The following FYCO1 variants were observed in gnomAD, a reference collection of about 807,000 sequenced individuals.
FYCO1 encodes the protein FYVE and coiled-coil domain autophagy adaptor 1.
In FYCO1, 122 loss-of-function variants were observed where a neutral mutation model predicts 165.1. That is an observed-to-expected ratio of 0.74 (90% CI 0.64 to 0.86). The LOEUF is 0.86. Ranked by LOEUF, FYCO1 falls within the 40% of genes least tolerant of loss-of-function variation. FYCO1 has a pLI of 0.00. For synonymous variants in FYCO1, 648 were observed against 742.5 expected (o/e 0.87, Z 2.07); for missense variants, 1,702 against 1,810.3 (o/e 0.94, Z 1.09).
intron 13 of FYCO1, among the ~76,000 whole-genome samples, chr3:45,957,170 A>G (rs987108298): frequency 5.9e-5 from 9 of 152,244 alleles, no homozygotes; most frequent in Admixed American, 5.9e-4. Context: ...CAGTCTTTCA[A>G]TCAATGGTGT....
Position 45,975,312 on chromosome 3 carries a change from T to TAA in FYCO1, c.320_321dup (p.Ile108LeufsTer20). 1 of 1,614,168 alleles carries TAA rather than the reference T, an allele frequency of 6.2e-7. No homozygotes were observed. The highest frequency in any genetic ancestry group is 8.5e-7 in the Non-Finnish European group (1 of 1,179,998). ...CTCTGGTGCACCAAGGAGTAGCGAATAAATGCTCTTCCTTTCCCCAAGGAT... is the reference window on the plus strand; with the variant it reads ...CTCTGGTGCACCAAGGAGTAGCGAATAAAAATGCTCTTCCTTTCCCCAAGGAT... On this transcript the variant is annotated frameshift_variant, in exon 5 of 18. Transcript: ENST00000296137. LOFTEE classifies it high-confidence loss of function.
chr3:45,989,566 C>A (rs1440736397), intron 1 of FYCO1, among the ~76,000 whole-genome samples: 1 of 152,228 alleles, frequency 6.6e-6, no homozygotes, highest in African/African-American at 2.4e-5. Flanking sequence ...GGTGACCCAA[C>A]CCCTTGGACC....
chr3:45,984,611 C>T (rs1707223986), intron 2 of FYCO1: 1 of 614,256 alleles, frequency 1.6e-6, no homozygotes, highest in Non-Finnish European at 2.9e-6. Flanking sequence ...AGTCCTGGAG[C>T]CGGGTGTATG....
In FYCO1 at chr3:45,972,956, C is replaced by T. The variant is rs1187080153; in HGVS notation, c.539+132G>A. 6 of 907,714 alleles carry T rather than the reference C, an allele frequency of 6.6e-6. No homozygotes were observed. The East Asian group carries it at 1.6e-4, about 24-fold the overall frequency. 56.2% of individuals were successfully genotyped at this position (907,714 alleles called of 1,614,324 possible). A position where few individuals can be genotyped will look rare whatever the true frequency, so the allele number is the denominator to read the frequency against. On this transcript the variant is annotated intron_variant, in intron 6 of 17. Transcript: ENST00000296137. ...GATTCAACAAAGTCTGTAAAAGGAGCTGGAATAAGAGTTGAACAGGTTTGT... is the reference window on the plus strand; with the variant it reads ...GATTCAACAAAGTCTGTAAAAGGAGTTGGAATAAGAGTTGAACAGGTTTGT...
chr3:45,970,217 T>C (rs1024411516), intron 6 of FYCO1, among the ~76,000 whole-genome samples: 2 of 152,202 alleles, frequency 1.3e-5, no homozygotes, highest in African/African-American at 4.8e-5. Flanking sequence ...TCAGTGCAGA[T>C]ACAGAACATT....
intron 3 of FYCO1, among the ~76,000 whole-genome samples, chr3:45,980,416 C>T (rs970808703): frequency 2.0e-5 from 3 of 152,000 alleles, no homozygotes; most frequent in Non-Finnish European, 4.4e-5. Context: ...AACTATGCTT[C>T]GACTTAGGGA....
intron 13 of FYCO1, among the ~76,000 whole-genome samples, chr3:45,958,113 G>A (rs1387445846): frequency 6.6e-6 from 1 of 152,156 alleles, no homozygotes; most frequent in African/African-American, 2.4e-5. Context: ...TCTGGTAGAC[G>A]GCATTCTCCA....
At chr3:45,958,363 G>T (rs1443910793) in intron 13 of FYCO1, 45 bp downstream of exon 13, 16 of 1,550,750 alleles carry the variant, frequency 1.0e-5, no homozygotes, top group Non-Finnish European at 1.3e-5. Context: ...AGGGGAGGAA[G>T]TGGCACCTAG....
chr3:45,969,877 A>G, intron 6 of FYCO1, 112 bp from the exon 7 acceptor site: 1 of 734,184 alleles, frequency 1.4e-6, no homozygotes, highest in Non-Finnish European at 2.3e-6. Context: ...CTTCCCAGGT[A>G]GAATGTAAGA....
chr3:45,952,390 T>A (rs1468078942), intron 14 of FYCO1, among the ~76,000 whole-genome samples: 1 of 152,182 alleles, frequency 6.6e-6, no homozygotes, highest in East Asian at 1.9e-4. Context: ...GGTTTAGGTC[T>A]TAAAACTTAG....
chr3:45,962,223 A>G lies in FYCO1; in HGVS notation c.3437+2T>C. ...CAGCTGCTGGTTTGACACAGCACTCACCTGAGCAGCTCTATCAGCCGCTCC... is the reference window on the plus strand; with the variant it reads ...CAGCTGCTGGTTTGACACAGCACTCGCCTGAGCAGCTCTATCAGCCGCTCC... On this transcript the variant is annotated splice_donor_variant, in intron 11 of 17. Coordinates refer to ENST00000296137, the MANE Select transcript of FYCO1 (RefSeq NM_024513.4). LOFTEE classifies it high-confidence loss of function. The surrounding 1 kb of genome is among the most constrained non-coding windows in gnomAD (Gnocchi z 4.4). 6.2e-7 allele frequency: 1 copy of G among 1,614,106 alleles called. No homozygotes were observed. The highest frequency in any genetic ancestry group is 8.5e-7 in the Non-Finnish European group (1 of 1,179,938).
Position 45,931,166 on chromosome 3 carries a change from G to A in FYCO1, c.4156C>T (p.Leu1386Phe). ...LIPITVAEAG[L>F]TISWVFSSDP... ...GAGGAGAAGACCCAGCTGATGGTGA[G>A]GCCTGCCTCGGCCACAGTGATGGGG... The change falls in exon 16 of 18, where the codon CTC becomes TTC. Residue 1386 changes from leucine (L) to phenylalanine (F), a missense_variant. Coordinates refer to ENST00000296137, the MANE Select transcript of FYCO1 (RefSeq NM_024513.4). 1 of 1,614,094 alleles carries A rather than the reference G, an allele frequency of 6.2e-7. No individual in the cohort carries two copies. Among genetic ancestry groups the A allele is most frequent in the South Asian group, 1.1e-5 (1 of 91,080 alleles).
At chr3:45,991,741 C>T (rs957085431) in intron 1 of FYCO1, among the ~76,000 whole-genome samples, 1 of 152,224 alleles carries the variant, frequency 6.6e-6, no homozygotes, top group Non-Finnish European at 1.5e-5. Context: ...CACAAACAAC[C>T]CTGCTAACCC....
chr3:45,925,391 A>G (rs891234703), intron 16 of FYCO1, among the ~76,000 whole-genome samples: 5 of 152,252 alleles, frequency 3.3e-5, no homozygotes, highest in African/African-American at 1.2e-4. Context: ...TGAGTTCCTA[A>G]TGAGGTAAAC....
At chr3:45,942,155 T>C (rs1704267396) in intron 14 of FYCO1, among the ~76,000 whole-genome samples, 1 of 152,232 alleles carries the variant, frequency 6.6e-6, no homozygotes, top group African/African-American at 2.4e-5. Flanking sequence ...TCAGATCTTT[T>C]ATCAGGGCCC....
At chr3:45,950,504 G>A (rs139441143) in intron 14 of FYCO1, among the ~76,000 whole-genome samples, 1 of 152,220 alleles carries the variant, frequency 6.6e-6, no homozygotes, top group Non-Finnish European at 1.5e-5. Context: ...CCTACTGGAG[G>A]GGTGGAGGCA....
chr3:45,961,113 T>A lies in FYCO1; in HGVS notation c.3437+1112A>T, dbSNP rs1240287447. Among the ~76,000 whole-genome samples, 4 of 152,146 alleles carry A rather than the reference T, an allele frequency of 2.6e-5. No individual in the cohort carries two copies. The East Asian group carries it at 7.7e-4, about 29-fold the overall frequency. On this transcript the variant is annotated intron_variant, in intron 11 of 17. Coordinates refer to ENST00000296137, the MANE Select transcript of FYCO1 (RefSeq NM_024513.4). ...AGGGAAACCCATTGACTAAAAGGGA[T>A]GTAAGAGACACAGCAATTGCAATAG...
intron 4 of FYCO1, among the ~76,000 whole-genome samples, chr3:45,978,487 C>T (rs948358262): frequency 6.6e-6 from 1 of 152,142 alleles, no homozygotes; most frequent in Admixed American, 6.5e-5. Context: ...AAATGTCCAG[C>T]CATTGATGTC....
chr3:45,994,484 T>C (rs1707702914), intron 1 of FYCO1, among the ~76,000 whole-genome samples: 2 of 152,020 alleles, frequency 1.3e-5, no homozygotes, highest in Admixed American at 6.5e-5. Context: ...ATTTTCAGGG[T>C]GATAATAACC....
Sources: allele counts gnomAD v4.1 joint callset (sites outside exome capture counted in the v4.1 genomes callset), GRCh38; gene constraint gnomAD v4.1.1; non-coding constraint Gnocchi (gnomAD v3.1); transcripts MANE v1.5; gene names NCBI Gene and HGNC (gene_info 2026-07-23, HGNC 2026-07-21).